The following STS variants were observed in gnomAD, a reference collection of about 807,000 sequenced individuals.
The protein encoded by STS is steroid sulfatase.
STS carries 7 observed loss-of-function variants against 26.8 expected under a neutral mutation model. The ratio of observed to expected loss-of-function variants is 0.26; its 90% CI spans 0.15 to 0.49. STS has a LOEUF of 0.49. Ranked by LOEUF, STS falls within the 20% of genes least tolerant of loss-of-function variation. The probability of loss-of-function intolerance (pLI) is 0.98; values close to 1 mark genes in which losing one functional copy is unlikely to be tolerated. For synonymous variants in STS, 199 were observed against 189.4 expected (o/e 1.05, Z -0.42); for missense variants, 434 against 465.6 (o/e 0.93, Z 0.63).
At chrX:7,220,391 C>T (rs904406800) in intron 2 of STS, among the ~76,000 whole-genome samples, 1 of 110,851 alleles carries the variant, frequency 9.0e-6, no homozygotes, top group African/African-American at 3.3e-5. Context: ...TGGTTCTGTT[C>T]TGGACACTGT....
intron 7 of STS, among the ~76,000 whole-genome samples, chrX:7,292,653 C>T (rs1032014430): frequency 9.0e-6 from 1 of 110,655 alleles, no homozygotes; most frequent in Non-Finnish European, 1.9e-5. Flanking sequence ...CCATGTTCTG[C>T]ATTGCATGCC....
intron 2 of STS, among the ~76,000 whole-genome samples, chrX:7,220,784 G>A (rs1921528060): frequency 3.6e-5 from 4 of 110,056 alleles, no homozygotes; most frequent in South Asian, 7.8e-4. Flanking sequence ...TCCTGATCTC[G>A]TGATCCGCCC....
At chrX:7,237,249 AAACAAAAC>A (rs1260015090) in intron 2 of STS, among the ~76,000 whole-genome samples, 5 of 109,972 alleles carry the variant, frequency 4.5e-5, no homozygotes, top group African/African-American at 1.7e-4. Context: ...TAGGAGAGAA[AAACAAAAC>A]AACAAAACAC....
chrX:7,233,060 A>G (rs1922138985), intron 2 of STS, among the ~76,000 whole-genome samples: 2 of 108,194 alleles, frequency 1.8e-5, no homozygotes, highest in Non-Finnish European at 3.8e-5. Context: ...TTTCCTTTAT[A>G]AAGTACTTGG....
At position 7,170,939 on chromosome X, in the gene STS, C is replaced by T. The variant is rs1016626075; in HGVS notation, c.-133-19941C>T. Among the ~76,000 whole-genome samples the T allele has an allele frequency of 4.5e-5, 5 of 111,923 alleles. No individual in the cohort carries two copies. In the East Asian group the frequency reaches 1.4e-3, roughly 32 times the overall value. ...GATGCCACATATATTCCACAAACAC[C>T]ATTGTACTAGGGGATGCTTCATTTC... On this transcript the variant is annotated intron_variant, in intron 1 of 10. Coordinates refer to ENST00000674429, the MANE Select transcript of STS (RefSeq NM_001320752.2).
chrX:7,299,601 A>C (rs1925867777), intron 7 of STS, among the ~76,000 whole-genome samples: 1 of 109,898 alleles, frequency 9.1e-6, no homozygotes, highest in African/African-American at 3.3e-5. Context: ...ATTCTGTCTG[A>C]GTGTACCTAC....
intron 5 of STS, among the ~76,000 whole-genome samples, chrX:7,258,657 T>G (rs1301062372): frequency 9.0e-6 from 1 of 111,599 alleles, no homozygotes; most frequent in Non-Finnish European, 1.9e-5. Context: ...CAACATCTTG[T>G]TAAAAAACTA....
intron 7 of STS, among the ~76,000 whole-genome samples, chrX:7,301,048 C>T (rs1486915330): frequency 9.0e-6 from 1 of 110,775 alleles, no homozygotes; most frequent in Non-Finnish European, 1.9e-5. Context: ...GCACACAGCC[C>T]GTGTAAGGTG....
intron 10 of STS, among the ~76,000 whole-genome samples, chrX:7,337,392 A>G (rs770262673): frequency 1.8e-5 from 2 of 111,857 alleles, no homozygotes; most frequent in South Asian, 7.5e-4. Context: ...AGGGATGCGT[A>G]AGGAAAACGT....
chrX:7,335,177 C>T (rs1332643425), intron 10 of STS, among the ~76,000 whole-genome samples: 1 of 112,146 alleles, frequency 8.9e-6, no homozygotes, highest in African/African-American at 3.2e-5. Flanking sequence ...CCTGAGGAAT[C>T]GCCACACTGT....
intron 2 of STS, among the ~76,000 whole-genome samples, chrX:7,201,593 G>A (rs182999387): frequency 1.6e-4 from 18 of 109,374 alleles, no homozygotes; most frequent in African/African-American, 6.0e-4. Context: ...CTTGTGCTGT[G>A]GGAGGTATGT....
intron 10 of STS, among the ~76,000 whole-genome samples, chrX:7,341,349 T>C (rs1928272221): frequency 9.0e-6 from 1 of 111,506 alleles, no homozygotes; most frequent in Non-Finnish European, 1.9e-5. Context: ...ATTCCCCAAA[T>C]GTGGACATCC....
At chrX:7,261,640 CTT>C (rs1334080399) in intron 6 of STS, among the ~76,000 whole-genome samples, 1 of 111,783 alleles carries the variant, frequency 8.9e-6, no homozygotes, top group African/African-American at 3.3e-5. Context: ...TCCTCACTCT[CTT>C]CTTCCAGTTA....
At chrX:7,332,432 G>GAA (rs775902006) in intron 9 of STS, among the ~76,000 whole-genome samples, 1 of 94,966 alleles carries the variant, frequency 1.1e-5, no homozygotes, top group East Asian at 3.3e-4. Flanking sequence ...TTGGCAGATG[G>GAA]AAAAAAAAAA....
At chrX:7,334,322 T>C (rs1191416152) in intron 10 of STS, among the ~76,000 whole-genome samples, 1 of 111,179 alleles carries the variant, frequency 9.0e-6, no homozygotes, top group Non-Finnish European at 1.9e-5. Flanking sequence ...CAGAAGGCCA[T>C]GTCATTCACC....
At chrX:7,188,176 A>C (rs1955302954) in intron 1 of STS, among the ~76,000 whole-genome samples, 1 of 111,947 alleles carries the variant, frequency 8.9e-6, no homozygotes, top group African/African-American at 3.2e-5. Flanking sequence ...TCAGCTGGGT[A>C]CCATTCCCCT....
At chrX:7,236,978 A>G (rs1447604912) in intron 2 of STS, among the ~76,000 whole-genome samples, 5 of 110,817 alleles carry the variant, frequency 4.5e-5, no homozygotes, top group Admixed American at 9.7e-5. Flanking sequence ...TGTTAAAGGA[A>G]ACCACTCAAG....
intron 8 of STS, among the ~76,000 whole-genome samples, chrX:7,323,007 T>C (rs1927118550): frequency 8.9e-6 from 1 of 111,873 alleles, no homozygotes; most frequent in Non-Finnish European, 1.9e-5. Context: ...GGTAATAAAA[T>C]AATACCAACG....
intron 2 of STS, among the ~76,000 whole-genome samples, chrX:7,204,473 TTTCCTTCCTCCCTCCC>T (rs1290705665): frequency 1.4e-4 from 15 of 108,641 alleles, no homozygotes; most frequent in South Asian, 1.2e-3. Context: ...ATTCCCCTTC[TTTCCTTCCTCCCTCCC>T]TTCCTTCCTC....
Sources: gnomAD v4.1 joint callset for allele counts (sites outside exome capture counted in the v4.1 genomes callset) on GRCh38, gnomAD v4.1.1 for gene constraint, MANE v1.5 for transcripts, NCBI Gene and HGNC (gene_info 2026-07-23, HGNC 2026-07-21) for gene names.